Variants in SMARCA4 observed in about 807,000 individuals in gnomAD.
SMARCA4 encodes the protein SWI/SNF-related matrix-associated actin-dependent regulator of chromatin subfamily A member 4.
Under a neutral mutation model 193.9 loss-of-function variants are expected in SMARCA4, and 31 were observed. The observed-to-expected ratio is 0.16, with a 90% CI of 0.12 to 0.22. The LOEUF (loss-of-function observed/expected upper bound fraction) is 0.22, where lower values mean the gene tolerates loss of function less well. SMARCA4 is among the 10% of genes least tolerant of loss of function. SMARCA4 has a pLI of 1.00. For synonymous variants in SMARCA4, 942 were observed against 933.1 expected, an observed-to-expected ratio of 1.01 and a Z score of -0.17; for missense variants, 1,148 against 2,296.0, an observed-to-expected ratio of 0.50 and a Z score of 10.22.
At position 10,989,461 on chromosome 19, in the gene SMARCA4, C is replaced by G. The variant is rs376247014; in HGVS notation, c.1245+18C>G. ...AGAGGCAGGTGGGTGCTGGCATGGC[C>G]GCAGCTTTCCGAAAAGGGCCTTTGT... On this transcript the variant is annotated intron_variant, in intron 7 of 34. Transcript: ENST00000344626. The G allele has an allele frequency of 6.2e-7, 1 of 1,613,412 alleles. No homozygotes were observed.
chr19:11,030,504 C>G lies in SMARCA4; in HGVS notation c.3383-226C>G, dbSNP rs1395847032. On this transcript the variant is annotated intron_variant, in intron 24 of 34. Coordinates refer to ENST00000344626, the MANE Select transcript of SMARCA4 (RefSeq NM_003072.5). This position sits in a 1 kb window ranked among gnomAD's most constrained non-coding sequence, Gnocchi z 5.5. ...CCTCCTCTAGTTCTCCCAGCGGGGC[C>G]TGTTTTCATTTCTGGGATGTGTGGA... 6.6e-6 allele frequency among the ~76,000 whole-genome samples: 1 copy of G among 152,214 alleles called. No homozygotes were observed.
intron 1 of SMARCA4, among the ~76,000 whole-genome samples, chr19:10,978,882 G>A (rs1203191514): frequency 6.6e-6 from 1 of 152,082 alleles, no homozygotes; most frequent in African/African-American, 2.4e-5. Flanking sequence ...CTAGGAGGCG[G>A]AGGTTGCAGT....
At chr19:11,017,074 G>A (rs377104339) in intron 16 of SMARCA4, among the ~76,000 whole-genome samples, 13 of 152,240 alleles carry the variant, frequency 8.5e-5, no homozygotes, top group South Asian at 6.2e-4. Flanking sequence ...TGCACGTATC[G>A]TCTAAAAGGC....
At chr19:11,003,500 G>C in intron 13 of SMARCA4, 103 bp downstream of exon 13, 1 of 1,151,234 alleles carries the variant, frequency 8.7e-7, no homozygotes, top group East Asian at 2.3e-5. Flanking sequence ...GCATCTTGTG[G>C]GGCAGGGAAC....
intron 1 of SMARCA4, among the ~76,000 whole-genome samples, chr19:10,975,318 CT>C (rs372249804): frequency 0.011 from 1,156 of 107,426 alleles, 10 homozygotes; most frequent in South Asian, 0.061. Context: ...TCCAACCTTA[CT>C]TTTTTTTTTT....
At chr19:11,048,313 C>G (rs961696746) in intron 30 of SMARCA4, among the ~76,000 whole-genome samples, 1 of 152,204 alleles carries the variant, frequency 6.6e-6, no homozygotes, top group Admixed American at 6.5e-5. Context: ...CTCCCTGCAA[C>G]CTCCACCTTC....
intron 21 of SMARCA4, among the ~76,000 whole-genome samples, 169 bp from the exon 22 acceptor site, chr19:11,025,253 C>T (rs976910896): frequency 6.6e-6 from 1 of 152,168 alleles, no homozygotes; most frequent in Admixed American, 6.5e-5. Flanking sequence ...TGTTGGGGGC[C>T]TCCGGGCCTC....
chr19:10,976,233 TC>T (rs1305666516), intron 1 of SMARCA4, among the ~76,000 whole-genome samples: 3 of 152,216 alleles, frequency 2.0e-5, no homozygotes, highest in African/African-American at 7.2e-5. Flanking sequence ...AGAGAGGTGT[TC>T]CTTGTCCTTA....
rs1348935106 is a variant in SMARCA4, at chr19:11,033,071, A to C, written c.3547-219A>C. 1 of 630,000 alleles carries C rather than the reference A, an allele frequency of 1.6e-6. No individual in the cohort carries two copies. The highest frequency in any genetic ancestry group is 2.9e-6 in the Non-Finnish European group (1 of 346,736). 39.0% of individuals were successfully genotyped at this position (630,000 alleles called of 1,614,324 possible). A position where few individuals can be genotyped will look rare whatever the true frequency, so the allele number is the denominator to read the frequency against. On this transcript the variant is annotated intron_variant, in intron 25 of 34. Transcript: ENST00000344626. The surrounding 1 kb of genome is among the most constrained non-coding windows in gnomAD (Gnocchi z 9.8). ...GGGTCCCAATAAGGTAGAAGGTGGC[A>C]CTTCTGGAGGAACGTGATGAGAGTC...
chr19:11,015,497 A>AT (rs2089273761), intron 16 of SMARCA4, among the ~76,000 whole-genome samples: 1 of 152,128 alleles, frequency 6.6e-6, no homozygotes, highest in African/African-American at 2.4e-5. Flanking sequence ...CGGGGAAGGC[A>AT]TGAGATGTTG....
At chr19:10,999,229 A>G (rs946143376) in intron 11 of SMARCA4, among the ~76,000 whole-genome samples, 8 of 152,138 alleles carry the variant, frequency 5.3e-5, no homozygotes, top group Admixed American at 1.3e-4. Flanking sequence ...TTACAGAAGA[A>G]TATTTACATG....
intron 11 of SMARCA4, among the ~76,000 whole-genome samples, chr19:10,997,372 G>T (rs2087172956): frequency 6.6e-6 from 1 of 151,882 alleles, no homozygotes; most frequent in Non-Finnish European, 1.5e-5. Context: ...CTAATTTTTT[G>T]TGTTTTTAGT....
rs539796334 is a variant in SMARCA4, at chr19:11,019,252, C to T, written c.2505+229C>T. ...AGGAGACAGGAGTGAGCATGGTGGC[C>T]AGCACTCAGAGGCCAGCTCAGGCGC... On this transcript the variant is annotated intron_variant, in intron 17 of 34. Transcript: ENST00000344626. The surrounding 1 kb of genome is among the most constrained non-coding windows in gnomAD (Gnocchi z 6.1). 7.9e-6 allele frequency: 5 copies of T among 632,750 alleles called. No individual in the cohort carries two copies. Among genetic ancestry groups the T allele is most frequent in the African/African-American group, 7.2e-5 (4 of 55,484 alleles). 39.2% of individuals were successfully genotyped at this position (632,750 alleles called of 1,614,324 possible).
chr19:11,034,304 G>C lies in SMARCA4; in HGVS notation c.3951+104G>C. On this transcript the variant is annotated intron_variant, in intron 28 of 34. Transcript: ENST00000344626. This position sits in a 1 kb window ranked among gnomAD's most constrained non-coding sequence, Gnocchi z 7.0. ...CCATGGTGGTATCCCTAGCAGGTCA[G>C]GGAGCCAGGGACAGCTCACAGTGCA... 1 of 900,594 alleles carries C rather than the reference G, an allele frequency of 1.1e-6. No homozygotes were observed. The highest frequency in any genetic ancestry group is 1.8e-6 in the Non-Finnish European group (1 of 548,724). 55.8% of individuals were successfully genotyped at this position (900,594 alleles called of 1,614,324 possible). A position where few individuals can be genotyped will look rare whatever the true frequency, so the allele number is the denominator to read the frequency against.
chr19:11,019,556 CA>C lies in SMARCA4; in HGVS notation c.2506-31del. The stretch of plus-strand genomic sequence containing the variant: ...CTCTTGCCACCTGGCCACCCGGCTC[CA>C]AAAGCCGAGCTGTGCATCCTGCTTC... On this transcript the variant is annotated intron_variant, in intron 17 of 34. Transcript: ENST00000344626. This position sits in a 1 kb window ranked among gnomAD's most constrained non-coding sequence, Gnocchi z 6.1. The C allele has an allele frequency of 6.7e-7, 1 of 1,496,692 alleles. No homozygotes were observed. The highest frequency in any genetic ancestry group is 9.2e-7 in the Non-Finnish European group (1 of 1,085,262). The allele number at this position is 1,496,692 out of a possible 1,614,324, so 92.7% of individuals were successfully genotyped here.
At chr19:10,990,610 G>A (rs2086472544) in intron 7 of SMARCA4, among the ~76,000 whole-genome samples, 1 of 151,480 alleles carries the variant, frequency 6.6e-6, no homozygotes, top group Non-Finnish European at 1.5e-5. Flanking sequence ...ACAGGGTTTC[G>A]CCATGTCGCC....
At chr19:11,051,453 C>T (rs1002663542) in intron 30 of SMARCA4, among the ~76,000 whole-genome samples, 2 of 151,846 alleles carry the variant, frequency 1.3e-5, no homozygotes, top group Non-Finnish European at 2.9e-5. Context: ...TGAGCCTGTG[C>T]CGCAGTCGTC....
At position 10,987,990 on chromosome 19, in the gene SMARCA4, C is replaced by G. The variant is rs1371245653; in HGVS notation, c.1118+66C>G. The G allele has an allele frequency of 4.6e-6, 7 of 1,536,516 alleles. No individual in the cohort carries two copies. The highest frequency in any genetic ancestry group is 6.2e-6 in the Non-Finnish European group (7 of 1,120,142). On this transcript the variant is annotated intron_variant, in intron 6 of 34. Coordinates refer to ENST00000344626, the MANE Select transcript of SMARCA4 (RefSeq NM_003072.5). The surrounding 1 kb of genome is among the most constrained non-coding windows in gnomAD (Gnocchi z 5.3). Reference sequence around the variant, plus strand: ...CCCCCATGTCCCCCTGGGGAAGCCACTCAACTTTCTCCCCCACTCTAGCAA... The same window carrying G: ...CCCCCATGTCCCCCTGGGGAAGCCAGTCAACTTTCTCCCCCACTCTAGCAA...
At chr19:11,048,668 C>T (rs759991961) in intron 30 of SMARCA4, among the ~76,000 whole-genome samples, 1 of 152,174 alleles carries the variant, frequency 6.6e-6, no homozygotes, top group Non-Finnish European at 1.5e-5. Flanking sequence ...GCTGGGCACC[C>T]GCTGCTGTGT....
Sources: gnomAD v4.1 joint callset for allele counts (sites outside exome capture counted in the v4.1 genomes callset) on GRCh38, gnomAD v4.1.1 for gene constraint, Gnocchi (gnomAD v3.1) non-coding constraint, MANE v1.5 for transcripts, NCBI Gene and HGNC (gene_info 2026-07-23, HGNC 2026-07-21) for gene names.